Variants in EXOC6B observed in about 807,000 individuals in gnomAD.
EXOC6B encodes SEC15 homolog B.
A neutral mutation model predicts 113.5 loss-of-function variants in EXOC6B; 54 were observed. That is an observed-to-expected ratio of 0.48 (90% CI 0.38 to 0.60). The LOEUF is 0.60. Ranked by LOEUF, EXOC6B falls within the 20% of genes least tolerant of loss-of-function variation. EXOC6B has a pLI of 0.00. For synonymous variants in EXOC6B, 357 were observed against 339.0 expected, an observed-to-expected ratio of 1.05 and a Z score of -0.58; for missense variants, 797 against 977.5, an observed-to-expected ratio of 0.82 and a Z score of 2.46.
Position 72,327,433 on chromosome 2 carries a change from T to C in EXOC6B, c.2196+7514A>G, listed in dbSNP as rs372648906. On this transcript the variant is annotated intron_variant, in intron 20 of 21. Coordinates refer to ENST00000272427, the MANE Select transcript of EXOC6B (RefSeq NM_015189.3). ...CCCTCTCCCCTGATTCCTAATCTCC[T>C]GAAACAATTCCATGGGGACTTTTAG... Among the ~76,000 whole-genome samples, 4 of 152,202 alleles carry C rather than the reference T, an allele frequency of 2.6e-5. No homozygotes were observed. The East Asian group carries it at 7.7e-4, about 29-fold the overall frequency.
intron 18 of EXOC6B, among the ~76,000 whole-genome samples, chr2:72,425,319 A>G: frequency 6.6e-6 from 1 of 152,170 alleles, no homozygotes; most frequent in South Asian, 2.1e-4. Flanking sequence ...TATTTAAAAT[A>G]CTCTCAAGTG....
At chr2:72,385,626 TA>T (rs1691970490) in intron 18 of EXOC6B, among the ~76,000 whole-genome samples, 1 of 152,034 alleles carries the variant, frequency 6.6e-6, no homozygotes, top group Non-Finnish European at 1.5e-5. Flanking sequence ...GATAAGGAGT[TA>T]ACATCCAAAC....
At position 72,499,867 on chromosome 2, in the gene EXOC6B, T is replaced by A. The variant is rs752974335; in HGVS notation, c.1239+34A>T. On this transcript the variant is annotated intron_variant, in intron 12 of 21. Coordinates refer to ENST00000272427, the MANE Select transcript of EXOC6B (RefSeq NM_015189.3). ...GGTTTAGAGCTGATTATAATACCAA[T>A]CTAGATGAGCATATGTAAACAGAAA... The A allele has an allele frequency of 2.0e-5, 29 of 1,434,044 alleles. No individual in the cohort carries two copies. In the East Asian group the frequency reaches 7.2e-4, roughly 36 times the overall value. The allele number at this position is 1,434,044 out of a possible 1,614,324, so 88.8% of individuals were successfully genotyped here. A position where few individuals can be genotyped will look rare whatever the true frequency, so the allele number is the denominator to read the frequency against.
intron 20 of EXOC6B, among the ~76,000 whole-genome samples, chr2:72,254,395 C>A (rs1683221383): frequency 6.6e-6 from 1 of 152,154 alleles, no homozygotes; most frequent in Non-Finnish European, 1.5e-5. Flanking sequence ...CTGGAAGAGA[C>A]AAGGAAAGAG....
At chr2:72,571,151 AT>A (rs958960489) in intron 7 of EXOC6B, among the ~76,000 whole-genome samples, 2 of 152,038 alleles carry the variant, frequency 1.3e-5, no homozygotes, top group Non-Finnish European at 2.9e-5. Flanking sequence ...ACTACTTCTG[AT>A]TTTTTTTAAG....
At position 72,731,331 on chromosome 2, in the gene EXOC6B, C is replaced by A. The variant is rs1025187531; in HGVS notation, c.328-86G>T. ...ACATTTTTCCACACTGTGTTCAATT[C>A]ATCAGAAAATCCCAGACAGTTTCAT... is the stretch of plus-strand genomic sequence containing the variant. On this transcript the variant is annotated intron_variant, in intron 3 of 21. Coordinates refer to ENST00000272427, the MANE Select transcript of EXOC6B (RefSeq NM_015189.3). The A allele has an allele frequency of 1.3e-5, 13 of 1,019,540 alleles. No homozygotes were observed. The African/African-American group carries it at 1.3e-4, about 10-fold the overall frequency. The allele number at this position is 1,019,540 out of a possible 1,614,324, so 63.2% of individuals were successfully genotyped here. A position where few individuals can be genotyped will look rare whatever the true frequency, so the allele number is the denominator to read the frequency against.
intron 1 of EXOC6B, among the ~76,000 whole-genome samples, chr2:72,787,772 A>G (rs529669470): frequency 1.8e-3 from 281 of 152,176 alleles, no homozygotes; most frequent in South Asian, 5.8e-3. Flanking sequence ...GACTACAGGC[A>G]CGTGCCACCA....
chr2:72,737,306 T>C (rs1681028146), intron 2 of EXOC6B, among the ~76,000 whole-genome samples: 1 of 151,852 alleles, frequency 6.6e-6, no homozygotes, highest in Non-Finnish European at 1.5e-5. Flanking sequence ...ATTGTGCCAC[T>C]GAGCTCCAGC....
intron 17 of EXOC6B, among the ~76,000 whole-genome samples, chr2:72,479,608 G>A (rs1290749519): frequency 6.6e-6 from 1 of 152,018 alleles, no homozygotes; most frequent in Non-Finnish European, 1.5e-5. Flanking sequence ...AACCATATAA[G>A]TAGCCTATAT....
chr2:72,816,663 G>C (rs1201039188), intron 1 of EXOC6B, among the ~76,000 whole-genome samples: 1 of 152,110 alleles, frequency 6.6e-6, no homozygotes, highest in Non-Finnish European at 1.5e-5. Context: ...AATTACAGTA[G>C]ATAAGATTTC....
chr2:72,741,236 T>G, intron 2 of EXOC6B, 68 bp downstream of exon 2: 1 of 1,454,532 alleles, frequency 6.9e-7, no homozygotes, highest in South Asian at 1.3e-5. Context: ...TTATAATCCT[T>G]AATCCTTTAA....
rs2105580839 is a variant in EXOC6B at position 72,498,536 on chromosome 2, C to T, written c.1255G>A (p.Val419Ile). The change falls in exon 13 of 22, where the codon GTA (valine) becomes ATA (isoleucine). Residue 419 changes from valine (V) to isoleucine (I), a missense_variant. By Grantham distance (29) the Val-to-Ile change is conservative. Transcript: ENST00000272427. ...AACAGCATGTCAAAAAGCTGATTTA[C>T]AGGGAAACCATACACCTGAAACAAA... is the stretch of plus-strand genomic sequence containing the variant. ...ADTLQVYGFP[V>I]NQLFDMLLEI... 6.2e-7 allele frequency: 1 copy of T among 1,609,228 alleles called. No homozygotes were observed. Among genetic ancestry groups the T allele is most frequent in the Non-Finnish European group, 8.5e-7 (1 of 1,177,980 alleles).
At chr2:72,493,870 T>C (rs1027298888) in intron 15 of EXOC6B, among the ~76,000 whole-genome samples, 11 of 152,108 alleles carry the variant, frequency 7.2e-5, no homozygotes, top group African/African-American at 2.4e-4. Context: ...AATGCAGCGG[T>C]TTCTCTTGTT....
intron 8 of EXOC6B, among the ~76,000 whole-genome samples, chr2:72,550,609 G>A (rs1703155141): frequency 6.6e-6 from 1 of 152,008 alleles, no homozygotes; most frequent in African/African-American, 2.4e-5. Flanking sequence ...TCAACAGTAG[G>A]GAATATTACT....
At chr2:72,210,589 T>C (rs1482895615) in intron 20 of EXOC6B, among the ~76,000 whole-genome samples, 1 of 152,248 alleles carries the variant, frequency 6.6e-6, no homozygotes, top group Non-Finnish European at 1.5e-5. Context: ...CCAGGATACC[T>C]ACCTTCCCCA....
chr2:72,316,564 T>C (rs1011245952), intron 20 of EXOC6B, among the ~76,000 whole-genome samples: 22 of 152,144 alleles, frequency 1.4e-4, no homozygotes, highest in African/African-American at 5.3e-4. Flanking sequence ...GGAGTTTGAG[T>C]ACAAATATTA....
chr2:72,443,320 CAAAAAAAAAAA>C (rs61290907), intron 18 of EXOC6B, among the ~76,000 whole-genome samples: 1 of 92,768 alleles, frequency 1.1e-5, no homozygotes, highest in Non-Finnish European at 2.4e-5. Context: ...GAGATTCTGT[CAAAAAAAAAAA>C]AAAAAAGAAA....
At chr2:72,582,692 C>G (rs1358766448) in intron 6 of EXOC6B, among the ~76,000 whole-genome samples, 1 of 152,048 alleles carries the variant, frequency 6.6e-6, no homozygotes, top group Admixed American at 6.6e-5. Context: ...GGAAGCAGTA[C>G]AAATATTCTG....
rs557065083 is a variant in EXOC6B, at chr2:72,407,664, G to A, written c.1981-27794C>T. ...AAAAGGCCTTTGACAAAATTCAACA[G>A]CCCTTCATGCTAAAAACTCTCAATA... On this transcript the variant is annotated intron_variant, in intron 18 of 21. Coordinates refer to ENST00000272427, the MANE Select transcript of EXOC6B (RefSeq NM_015189.3). Among the ~76,000 whole-genome samples the A allele has an allele frequency of 4.8e-3, 734 of 152,194 alleles. 4 individuals are homozygous for A. The highest frequency in any genetic ancestry group is 5.3e-3 in the Non-Finnish European group (361 of 67,990).
Sources: gnomAD v4.1 joint callset for allele counts (sites outside exome capture counted in the v4.1 genomes callset) on GRCh38, gnomAD v4.1.1 for gene constraint, MANE v1.5 for transcripts, NCBI Gene and HGNC (gene_info 2026-07-23, HGNC 2026-07-21) for gene names.